The following UBE2Z variants were observed in gnomAD, a reference collection of about 807,000 sequenced individuals.
UBE2Z encodes ubiquitin-conjugating enzyme E2 Z.
In UBE2Z, 10 loss-of-function variants were observed where a neutral mutation model predicts 32.6. The observed-to-expected ratio is 0.31, with a 90% CI of 0.19 to 0.52. The LOEUF (loss-of-function observed/expected upper bound fraction) is 0.52. Ranked by LOEUF, UBE2Z falls within the 20% of genes least tolerant of loss-of-function variation. The pLI is 0.97. For synonymous variants in UBE2Z, 183 were observed against 190.8 expected (o/e 0.96, Z 0.34); for missense variants, 343 against 480.9 (o/e 0.71, Z 2.68).
chr17:48,916,317 G>A (rs2040719988), intron 4 of UBE2Z, 130 bp downstream of exon 4: 4 of 495,794 alleles, frequency 8.1e-6, no homozygotes, highest in South Asian at 8.1e-5. Flanking sequence ...GTGCAGTGGT[G>A]CAATCTCAGC....
At chr17:48,924,002 T>C (rs2040780924) in intron 6 of UBE2Z, among the ~76,000 whole-genome samples, 1 of 152,210 alleles carries the variant, frequency 6.6e-6, no homozygotes, top group Admixed American at 6.5e-5. Flanking sequence ...ATTACAGGCA[T>C]ACGCCATCAT....
rs1344352059 is a variant in UBE2Z, at chr17:48,927,225, C to T, written c.*91C>T. ...GGATGGAGAGGCACTGTGTATCTCC[C>T]TCCAGACTCGAAGTCATCCTGCAAG... On this transcript the variant is annotated 3_prime_UTR_variant, in exon 7 of 7. Coordinates refer to ENST00000360943, the MANE Select transcript of UBE2Z (RefSeq NM_023079.5). 7.4e-6 allele frequency: 10 copies of T among 1,346,500 alleles called. No individual in the cohort carries two copies. The highest frequency in any genetic ancestry group is 6.8e-5 in the South Asian group (5 of 73,966). 83.4% of individuals were successfully genotyped at this position (1,346,500 alleles called of 1,614,324 possible).
At chr17:48,922,784 G>T in intron 5 of UBE2Z, 63 bp from the exon 6 acceptor site, 1 of 1,352,106 alleles carries the variant, frequency 7.4e-7, no homozygotes, top group Non-Finnish European at 1.0e-6. Context: ...AAAAAGGTTA[G>T]GTAAGGAAGG....
intron 1 of UBE2Z, 112 bp downstream of exon 1, chr17:48,908,932 G>C: frequency 1.1e-6 from 1 of 877,228 alleles, no homozygotes; most frequent in South Asian, 2.4e-5. Context: ...CCCTCGCGGC[G>C]GCCCACCTCC....
chr17:48,918,746 CTTTTT>C (rs71144542), intron 4 of UBE2Z, among the ~76,000 whole-genome samples: 5 of 127,474 alleles, frequency 3.9e-5, no homozygotes, highest in Non-Finnish European at 3.3e-5. Context: ...TAGGTCTTGT[CTTTTT>C]TTTTTTTTTT....
In UBE2Z at chr17:48,908,440, G is replaced by A. The variant is rs942380623; in HGVS notation, c.-64G>A. On this transcript the variant is annotated 5_prime_UTR_variant, in exon 1 of 7. Coordinates refer to ENST00000360943, the MANE Select transcript of UBE2Z (RefSeq NM_023079.5). ...CCGGTTCTCGGTGGTGCGGGAGCGGGCGGGAGCAGCGGCCGCTCTGGTCGG... is the reference window on the plus strand; with the variant it reads ...CCGGTTCTCGGTGGTGCGGGAGCGGACGGGAGCAGCGGCCGCTCTGGTCGG... 7.5e-6 allele frequency: 9 copies of A among 1,202,086 alleles called. No homozygotes were observed. The highest frequency in any genetic ancestry group is 6.5e-5 in the East Asian group (2 of 30,952). 74.5% of individuals were successfully genotyped at this position (1,202,086 alleles called of 1,614,324 possible).
At chr17:48,921,388 G>A in intron 5 of UBE2Z, 116 bp downstream of exon 5, 2 of 787,756 alleles carry the variant, frequency 2.5e-6, no homozygotes, top group Non-Finnish European at 4.1e-6. Context: ...GAAAGATGTG[G>A]TTCCTGCTTT....
intron 5 of UBE2Z, 91 bp from the exon 6 acceptor site, chr17:48,922,756 G>A: frequency 2.1e-6 from 2 of 956,548 alleles, no homozygotes; most frequent in Non-Finnish European, 3.1e-6. Context: ...TACAGAGCAA[G>A]ACTCCATCTG....
intron 3 of UBE2Z, 72 bp downstream of exon 3, chr17:48,913,093 G>A (rs2040692007): frequency 1.6e-5 from 23 of 1,466,132 alleles, no homozygotes; most frequent in Admixed American, 4.0e-5. Flanking sequence ...TTTATCAACC[G>A]GAGTCCCTCA....
chr17:48,911,709 C>T (rs1446906378), intron 2 of UBE2Z: 1 of 151,956 alleles, frequency 6.6e-6, no homozygotes, highest in African/African-American at 2.4e-5. Context: ...TAGGACATCT[C>T]GTCCTCAGTC....
In UBE2Z at chr17:48,908,525, G is replaced by T; in HGVS notation, c.22G>T (p.Glu8Ter). Residue 8 changes from glutamate to a stop codon, truncating the protein, a stop_gained, in exon 1 of 7, where the codon GAG becomes TAG. Transcript: ENST00000360943. LOFTEE classifies it high-confidence loss of function. MAESPTE[E>*]AATAGAGAAG... ...AGCGATGGCGGAGAGTCCGACTGAG[G>T]AGGCGGCAACGGCGGGCGCCGGGGC... 1 of 1,237,390 alleles carries T rather than the reference G, an allele frequency of 8.1e-7. No individual in the cohort carries two copies. The allele number at this position is 1,237,390 out of a possible 1,614,324, so 76.7% of individuals were successfully genotyped here. A position where few individuals can be genotyped will look rare whatever the true frequency, so the allele number is the denominator to read the frequency against.
At chr17:48,908,847 C>A in intron 1 of UBE2Z, 27 bp downstream of exon 1, 1 of 1,462,950 alleles carries the variant, frequency 6.8e-7, no homozygotes, top group Non-Finnish European at 9.0e-7. Context: ...CCTCCCCCAG[C>A]CCCGAGCTCC....
At chr17:48,916,662 AAAG>A (rs1458297560) in intron 4 of UBE2Z, among the ~76,000 whole-genome samples, 1 of 151,880 alleles carries the variant, frequency 6.6e-6, no homozygotes, top group Non-Finnish European at 1.5e-5. Flanking sequence ...ATAGGGAAAA[AAAG>A]GGAATTGACA....
At chr17:48,915,745 C>T in intron 3 of UBE2Z, 1 of 253,386 alleles carries the variant, frequency 3.9e-6, no homozygotes, top group Non-Finnish European at 7.6e-6. Context: ...CGGAGATTAA[C>T]ATTTAGACAA....
chr17:48,912,816 T>C lies in UBE2Z; in HGVS notation c.391-18T>C, dbSNP rs748733223. 3.1e-6 allele frequency: 5 copies of C among 1,612,014 alleles called. No individual in the cohort carries two copies. The highest frequency in any genetic ancestry group is 4.2e-6 in the Non-Finnish European group (5 of 1,178,346). ...GGGTCATCACCTCACAATTTTGAGA[T>C]GGGGTTTTATTTTGCAGATTCATGC... On this transcript the variant is annotated intron_variant, in intron 2 of 6. Transcript: ENST00000360943.
In UBE2Z at chr17:48,928,567, T is replaced by C. The variant is rs1484551828; in HGVS notation, c.*1433T>C. The C allele has an allele frequency of 6.5e-6, 1 of 152,746 alleles. No homozygotes were observed. The highest frequency in any genetic ancestry group is 1.5e-5 in the Non-Finnish European group (1 of 68,150). 9.5% of individuals were successfully genotyped at this position (152,746 alleles called of 1,614,324 possible). A position where few individuals can be genotyped will look rare whatever the true frequency, so the allele number is the denominator to read the frequency against. On this transcript the variant is annotated 3_prime_UTR_variant, in exon 7 of 7. Transcript: ENST00000360943. ...GCTATGAAGGTCTCTGCCTTGTGGA[T>C]CATGGGACTCCCCTTGGAGGATCTG...
chr17:48,915,865 G>C (rs1266943132), intron 3 of UBE2Z: 54 of 341,590 alleles, frequency 1.6e-4, no homozygotes, highest in South Asian at 3.4e-4. Context: ...CTGTTCTTTT[G>C]CCCCCCCCCC....
chr17:48,922,788 A>G (rs1598076734), intron 5 of UBE2Z, 59 bp from the exon 6 acceptor site: 1 of 1,409,032 alleles, frequency 7.1e-7, no homozygotes, highest in Non-Finnish European at 9.8e-7. Flanking sequence ...AGGTTAGGTA[A>G]GGAAGGGGTG....
chr17:48,918,852 T>C (rs1380201144), intron 4 of UBE2Z, among the ~76,000 whole-genome samples: 1 of 150,822 alleles, frequency 6.6e-6, no homozygotes, highest in Non-Finnish European at 1.5e-5. Context: ...GTTCAAGCGA[T>C]TCTAGTACCT....
Sources: allele counts gnomAD v4.1 joint callset (sites outside exome capture counted in the v4.1 genomes callset), GRCh38; gene constraint gnomAD v4.1.1; transcripts MANE v1.5; gene names NCBI Gene and HGNC (gene_info 2026-07-23, HGNC 2026-07-21).